Variants in FAM13B observed in about 807,000 individuals in gnomAD.
FAM13B encodes protein FAM13B.
FAM13B carries 60 observed loss-of-function variants against 117.3 expected under a neutral mutation model. The observed-to-expected ratio is 0.51, with a 90% confidence interval of 0.42 to 0.63. The LOEUF (loss-of-function observed/expected upper bound fraction) is 0.63. FAM13B is among the 30% of genes least tolerant of loss of function. The pLI is 0.00. For synonymous variants in FAM13B, 332 were observed against 356.1 expected, an observed-to-expected ratio of 0.93 and a Z score of 0.76; for missense variants, 972 against 1,091.9, an observed-to-expected ratio of 0.89 and a Z score of 1.55.
intron 1 of FAM13B, among the ~76,000 whole-genome samples, chr5:138,042,251 C>T (rs73301281): frequency 3.3e-5 from 5 of 152,196 alleles, no homozygotes; most frequent in African/African-American, 1.2e-4. Context: ...CAGACACAAA[C>T]AAATACTGTA....
intron 2 of FAM13B, chr5:138,019,938 C>G (rs1469827293): frequency 1.4e-6 from 1 of 714,186 alleles, no homozygotes; most frequent in Non-Finnish European, 1.7e-6. Context: ...TCTCGGCCCC[C>G]AAAGTGCTGG....
chr5:137,945,190 A>G (rs180984508), intron 20 of FAM13B, among the ~76,000 whole-genome samples: 1 of 152,346 alleles, frequency 6.6e-6, no homozygotes, highest in African/African-American at 2.4e-5. Flanking sequence ...AAATAGCCTG[A>G]AAGCCACAGC....
chr5:137,954,654 C>A, intron 14 of FAM13B: 1 of 174,924 alleles, frequency 5.7e-6, no homozygotes, highest in Non-Finnish European at 1.2e-5. Context: ...CGCTCTGCTG[C>A]CCAGGCTCTG....
intron 6 of FAM13B, among the ~76,000 whole-genome samples, chr5:138,008,390 C>T (rs759609030): frequency 2.0e-5 from 3 of 152,070 alleles, no homozygotes; most frequent in Non-Finnish European, 4.4e-5. Flanking sequence ...TGCAGAGAGA[C>T]GCGATTGTGA....
chr5:137,971,708 C>T (rs1410200550), intron 10 of FAM13B, among the ~76,000 whole-genome samples: 1 of 149,918 alleles, frequency 6.7e-6, no homozygotes, highest in African/African-American at 2.4e-5. Flanking sequence ...AATTGATAGA[C>T]CGCTAGCAAG....
Position 138,006,658 on chromosome 5 carries a change from G to A in FAM13B, c.848+332C>T, listed in dbSNP as rs1386032501. ...ACAACTAATTGTAGCCTGGAAACGGGATATACAAGTCAATTCAGTCACTGT... is the reference window on the plus strand; with the variant it reads ...ACAACTAATTGTAGCCTGGAAACGGAATATACAAGTCAATTCAGTCACTGT... On this transcript the variant is annotated intron_variant, in intron 7 of 23. Transcript: ENST00000689681. 2.0e-5 allele frequency among the ~76,000 whole-genome samples: 3 copies of A among 152,320 alleles called. No homozygotes were observed. The East Asian group carries it at 5.8e-4, about 29-fold the overall frequency.
chr5:138,020,323 C>T (rs114389657), intron 2 of FAM13B, among the ~76,000 whole-genome samples: 1,701 of 152,270 alleles, frequency 0.011, 27 homozygotes, highest in African/African-American at 0.039. Flanking sequence ...GCCTCCAAAG[C>T]GCTGGGATTA....
At chr5:138,020,195 G>C (rs1188775869) in intron 2 of FAM13B, among the ~76,000 whole-genome samples, 2 of 151,750 alleles carry the variant, frequency 1.3e-5, no homozygotes. Context: ...CATGTAGCTG[G>C]GATTACAGGT....
Position 138,048,694 on chromosome 5 carries a change from A to T in FAM13B, c.-203+3184T>A, listed in dbSNP as rs544646558. ...CTAGGACCTTCAGAGCTTTTGTAAC[A>T]TTCTAATTCTCAAGCCAAGTAGAAG... On this transcript the variant is annotated intron_variant, in intron 1 of 3. Transcript: ENST00000502471. Among the ~76,000 whole-genome samples, 13 of 152,296 alleles carry T rather than the reference A, an allele frequency of 8.5e-5. No homozygotes were observed. The South Asian group carries it at 2.5e-3, about 29-fold the overall frequency.
chr5:137,952,199 T>C (rs1402240785), intron 17 of FAM13B, among the ~76,000 whole-genome samples: 1 of 152,190 alleles, frequency 6.6e-6, no homozygotes, highest in Non-Finnish European at 1.5e-5. Context: ...AGTTACAATT[T>C]AGTCTTTGTG....
At chr5:138,005,383 A>G (rs1217508739) in intron 7 of FAM13B, among the ~76,000 whole-genome samples, 1 of 152,204 alleles carries the variant, frequency 6.6e-6, no homozygotes, top group Non-Finnish European at 1.5e-5. Flanking sequence ...ATCAAAAGCC[A>G]GAGAAAGGTT....
At chr5:137,980,587 C>T (rs914231299) in intron 10 of FAM13B, among the ~76,000 whole-genome samples, 2 of 151,586 alleles carry the variant, frequency 1.3e-5, no homozygotes, top group East Asian at 2.0e-4. Context: ...GGACTACAGG[C>T]GTACGCCACC....
At chr5:138,025,308 TATGTA>T (rs1443950145) in intron 1 of FAM13B, among the ~76,000 whole-genome samples, 4 of 58,320 alleles carry the variant, frequency 6.9e-5, no homozygotes, top group Non-Finnish European at 1.2e-4. Context: ...TATATATATA[TATGTA>T]TTTTTTTTTT....
At chr5:137,970,168 C>T in intron 10 of FAM13B, among the ~76,000 whole-genome samples, 1 of 151,558 alleles carries the variant, frequency 6.6e-6, no homozygotes, top group Non-Finnish European at 1.5e-5. Flanking sequence ...TCAGATTCAC[C>T]AAAGTTGAAA....
Position 138,019,005 on chromosome 5 carries a change from T to C in FAM13B, c.107A>G (p.Asn36Ser), listed in dbSNP as rs1371368774. The C allele has an allele frequency of 1.2e-6, 2 of 1,614,122 alleles. No homozygotes were observed. Among genetic ancestry groups the C allele is most frequent in the South Asian group, 2.2e-5 (2 of 91,080 alleles). ...GTGGCGGACTATGAATGGAACCTCA[T>C]TGTCTGGATGTCCTCCCTGCTGCAG... The part of the protein sequence containing the change: ...DELQQGGHPD[N>S]EVPFIVRHVV... The change falls in exon 3 of 24, where the codon AAT becomes AGT. Residue 36 changes from asparagine (N) to serine (S), a missense_variant. Coordinates refer to ENST00000689681, the MANE Select transcript of FAM13B (RefSeq NM_001385994.1).
chr5:138,034,927 T>G (rs1432875539), upstream of FAM13B, among the ~76,000 whole-genome samples: 1 of 150,592 alleles, frequency 6.6e-6, no homozygotes, highest in Non-Finnish European at 1.5e-5. Context: ...CATAACTGAC[T>G]GTAATAAATA....
intron 4 of FAM13B, among the ~76,000 whole-genome samples, chr5:138,016,172 T>G (rs536888586): frequency 6.6e-6 from 1 of 152,286 alleles, no homozygotes; most frequent in East Asian, 1.9e-4. Context: ...TGGCTAAGAC[T>G]GAAACTTTTT....
intron 17 of FAM13B, among the ~76,000 whole-genome samples, chr5:137,951,209 CAAAAAAA>C (rs1158310740): frequency 1.5e-3 from 96 of 63,246 alleles, no homozygotes; most frequent in African/African-American, 7.0e-4. Flanking sequence ...CTGTCTCAAA[CAAAAAAA>C]AAAAAAAAAA....
At chr5:137,954,644 C>T (rs115874623) in intron 14 of FAM13B, 3,163 of 183,638 alleles carry the variant, frequency 0.017, 50 homozygotes, top group Non-Finnish European at 0.026. Context: ...GATAAGGTCT[C>T]GCTCTGCTGC....
Sources: allele counts gnomAD v4.1 joint callset (sites outside exome capture counted in the v4.1 genomes callset), GRCh38; gene constraint gnomAD v4.1.1; transcripts MANE v1.5; gene names NCBI Gene and HGNC (gene_info 2026-07-23, HGNC 2026-07-21).